Variants in IQCJ observed in about 807,000 individuals in gnomAD.
The protein encoded by IQCJ is IQ motif containing J, also known as IQ domain-containing protein J.
Under a neutral mutation model 11.0 loss-of-function variants are expected in IQCJ, and 9 were observed. The ratio of observed to expected loss-of-function variants is 0.82; its 90% CI spans 0.49 to 1.43. The LOEUF (loss-of-function observed/expected upper bound fraction) is 1.43, where lower values mean the gene tolerates loss of function less well. Among genes scored for constraint, IQCJ ranks in the 40% most tolerant of loss-of-function variants. The probability of loss-of-function intolerance (pLI) is 0.00; values close to 1 mark genes in which losing one functional copy is unlikely to be tolerated. For missense variants in IQCJ, 146 were observed against 133.2 expected (o/e 1.10, Z -0.47); for synonymous variants, 55 against 51.3 (o/e 1.07, Z -0.31).
chr3:159,175,259 C>A (rs192364606), intron 1 of IQCJ, among the ~76,000 whole-genome samples: 1 of 152,092 alleles, frequency 6.6e-6, no homozygotes, highest in African/African-American at 2.4e-5. Flanking sequence ...ATCACTTGAG[C>A]CCAGGCATTC....
At chr3:159,140,840 G>A (rs1182803589) in intron 1 of IQCJ, among the ~76,000 whole-genome samples, 1 of 152,208 alleles carries the variant, frequency 6.6e-6, no homozygotes, top group African/African-American at 2.4e-5. Flanking sequence ...CTGCAGAAAT[G>A]TGTTGTCTCA....
intron 1 of IQCJ, among the ~76,000 whole-genome samples, chr3:159,133,157 A>G (rs1045442374): frequency 1.3e-5 from 2 of 152,226 alleles, no homozygotes; most frequent in Non-Finnish European, 2.9e-5. Flanking sequence ...TTCACCAGGT[A>G]TTATTGGCAC....
At chr3:159,168,736 T>G (rs1450882486) in intron 1 of IQCJ, among the ~76,000 whole-genome samples, 1 of 152,194 alleles carries the variant, frequency 6.6e-6, no homozygotes, top group African/African-American at 2.4e-5. Context: ...AATAGTTGAT[T>G]TATCTTCATG....
chr3:159,213,525 A>G (rs975245718), intron 1 of IQCJ, among the ~76,000 whole-genome samples: 8 of 152,186 alleles, frequency 5.3e-5, no homozygotes, highest in African/African-American at 1.9e-4. Flanking sequence ...GTACTGTATA[A>G]AGAACTATCA....
chr3:159,207,583 G>A (rs1020972924), intron 1 of IQCJ, among the ~76,000 whole-genome samples: 3 of 152,164 alleles, frequency 2.0e-5, no homozygotes, highest in African/African-American at 7.2e-5. Flanking sequence ...AACTATTGCA[G>A]CTCTGGTGTC....
At position 159,261,701 on chromosome 3, in the gene IQCJ, C is replaced by T. The variant is rs562224332; in HGVS notation, c.156-847C>T. Among the ~76,000 whole-genome samples the T allele has an allele frequency of 9.4e-4, 143 of 152,248 alleles. 1 individual carries two copies. The highest frequency in any genetic ancestry group is 3.4e-3 in the Middle Eastern group (1 of 294). On this transcript the variant is annotated intron_variant, in intron 3 of 3. Transcript: ENST00000397832. ...GTATTTCTTCATAGCAGCATGAAAACGGACTAATACACAGTCCATGGGGGA... is the reference window on the plus strand; with the variant it reads ...GTATTTCTTCATAGCAGCATGAAAATGGACTAATACACAGTCCATGGGGGA...
intron 3 of IQCJ, among the ~76,000 whole-genome samples, chr3:159,255,655 G>A (rs1577119451): frequency 6.6e-6 from 1 of 152,122 alleles, no homozygotes; most frequent in African/African-American, 2.4e-5. Flanking sequence ...GTTGAAGGGA[G>A]TGTCACAAAG....
At chr3:159,088,273 G>T (rs1716951226) in intron 1 of IQCJ, among the ~76,000 whole-genome samples, 3 of 152,036 alleles carry the variant, frequency 2.0e-5, no homozygotes, top group South Asian at 4.1e-4. Flanking sequence ...ATTGCACTGT[G>T]GTCTGAGAGA....
At chr3:159,175,461 A>C (rs59690805) in intron 1 of IQCJ, among the ~76,000 whole-genome samples, 41,171 of 152,038 alleles carry the variant, frequency 0.27, 5,741 homozygotes, top group South Asian at 0.39. Context: ...ACAGAGCAAG[A>C]CCCTGTCTCA....
intron 1 of IQCJ, among the ~76,000 whole-genome samples, chr3:159,216,448 G>A (rs1370155460): frequency 6.6e-6 from 1 of 152,098 alleles, no homozygotes; most frequent in Admixed American, 6.6e-5. Flanking sequence ...TGCCTTATCA[G>A]GGGGATCTTC....
intron 1 of IQCJ, among the ~76,000 whole-genome samples, chr3:159,207,697 G>C (rs538036929): frequency 6.6e-6 from 1 of 152,180 alleles, no homozygotes; most frequent in South Asian, 2.1e-4. Context: ...CAGTGTTTAG[G>C]GAATACAGCA....
intron 1 of IQCJ, among the ~76,000 whole-genome samples, chr3:159,130,635 C>T (rs1719937437): frequency 6.6e-6 from 1 of 152,116 alleles, no homozygotes; most frequent in Non-Finnish European, 1.5e-5. Context: ...TAGTTTGAAA[C>T]ATTGTAGCTT....
At chr3:159,214,546 T>C (rs1725120788) in intron 1 of IQCJ, among the ~76,000 whole-genome samples, 1 of 152,212 alleles carries the variant, frequency 6.6e-6, no homozygotes, top group Non-Finnish European at 1.5e-5. Flanking sequence ...AGCATAGGCT[T>C]TAGATCCCTG....
At chr3:159,246,968 G>A (rs774230875) in intron 2 of IQCJ, among the ~76,000 whole-genome samples, 1 of 152,170 alleles carries the variant, frequency 6.6e-6, no homozygotes, top group African/African-American at 2.4e-5. Flanking sequence ...GAAGTGAGCC[G>A]TGGAGGGGCA....
chr3:159,162,583 T>TGA (rs1257410907), intron 1 of IQCJ, among the ~76,000 whole-genome samples: 1 of 152,044 alleles, frequency 6.6e-6, no homozygotes, highest in African/African-American at 2.4e-5. Context: ...ATAGGAGTGG[T>TGA]GAGAGAGATA....
chr3:159,209,216 C>T (rs1163567756), intron 1 of IQCJ, among the ~76,000 whole-genome samples: 1 of 152,166 alleles, frequency 6.6e-6, no homozygotes, highest in African/African-American at 2.4e-5. Flanking sequence ...GGCTGAATGT[C>T]TGGAGGAGAA....
At chr3:159,112,822 C>A (rs940099895) in intron 1 of IQCJ, among the ~76,000 whole-genome samples, 5 of 152,102 alleles carry the variant, frequency 3.3e-5, no homozygotes, top group African/African-American at 1.2e-4. Flanking sequence ...TCCTTAGTTT[C>A]TTTGAGTGGG....
At position 159,181,996 on chromosome 3, in the gene IQCJ, A is replaced by G. The variant is rs543619080; in HGVS notation, c.10-63847A>G. Among the ~76,000 whole-genome samples the G allele has an allele frequency of 1.4e-3, 205 of 148,064 alleles. 1 individual carries two copies. The highest frequency in any genetic ancestry group is 1.6e-3 in the Non-Finnish European group (108 of 67,988). On this transcript the variant is annotated intron_variant, in intron 1 of 3. Transcript: ENST00000397832. ...TAAGACAAAGTCCCAGCCTCTTAACATGCATCACCAAGCTTTATGTGACTT... is the reference window on the plus strand; with the variant it reads ...TAAGACAAAGTCCCAGCCTCTTAACGTGCATCACCAAGCTTTATGTGACTT...
chr3:159,115,347 T>A (rs9816288), intron 1 of IQCJ, among the ~76,000 whole-genome samples: 282 of 151,974 alleles, frequency 1.9e-3, no homozygotes, highest in African/African-American at 6.5e-3. Context: ...TTGCATGGGC[T>A]AATTTAGAGG....
Sources: allele counts gnomAD v4.1 joint callset (sites outside exome capture counted in the v4.1 genomes callset), GRCh38; gene constraint gnomAD v4.1.1; transcripts MANE v1.5; gene names NCBI Gene and HGNC (gene_info 2026-07-23, HGNC 2026-07-21).